SND1: variants seen among roughly 807,000 people sequenced by gnomAD.
SND1 encodes the protein staphylococcal nuclease domain-containing protein 1.
In SND1, 38 loss-of-function variants were observed where a neutral mutation model predicts 121.7. That is an observed-to-expected ratio of 0.31 (90% confidence interval 0.24 to 0.41). The LOEUF (loss-of-function observed/expected upper bound fraction) is 0.41. SND1 is among the 10% of genes least tolerant of loss of function. The pLI is 1.00. For synonymous variants in SND1, 401 were observed against 447.4 expected (o/e 0.90, Z 1.31); for missense variants, 868 against 1,184.6 (o/e 0.73, Z 3.92).
At position 127,686,852 on chromosome 7, in the gene SND1, C is replaced by T. The variant is rs1795822875; in HGVS notation, c.228+90C>T. The T allele has an allele frequency of 5.7e-6, 8 of 1,402,122 alleles. 1 individual carries two copies. The South Asian group carries it at 9.3e-5, about 16-fold the overall frequency. The allele number at this position is 1,402,122 out of a possible 1,614,324, so 86.9% of individuals were successfully genotyped here. The stretch of plus-strand genomic sequence containing the variant: ...CTGATGCCATTTTGATGTACTCTTT[C>T]TTTGTATTTTGAGTATTTTTATATC... On this transcript the variant is annotated intron_variant, in intron 2 of 23. Transcript: ENST00000354725.
At chr7:127,781,455 G>A (rs1274058177) in intron 10 of SND1, among the ~76,000 whole-genome samples, 1 of 151,640 alleles carries the variant, frequency 6.6e-6, no homozygotes, top group Admixed American at 6.6e-5. Flanking sequence ...TGATTTTATT[G>A]CCTTGTGATA....
intron 14 of SND1, among the ~76,000 whole-genome samples, chr7:127,925,463 G>A (rs1027068177): frequency 2.0e-5 from 3 of 152,146 alleles, no homozygotes; most frequent in African/African-American, 7.2e-5. Context: ...AAAACTGAGA[G>A]TGAAAGCCTT....
At chr7:128,066,072 C>A (rs965205565) in intron 16 of SND1, among the ~76,000 whole-genome samples, 1 of 152,194 alleles carries the variant, frequency 6.6e-6, no homozygotes, top group Non-Finnish European at 1.5e-5. Context: ...TGTTAGCGCT[C>A]GCAAAGGCCT....
chr7:127,807,608 G>C (rs1402653661), intron 11 of SND1, 35 bp downstream of exon 11: 2 of 1,548,286 alleles, frequency 1.3e-6, no homozygotes, highest in Non-Finnish European at 8.9e-7. Flanking sequence ...ATTTGCAAGT[G>C]GTTGGGCTTA....
intron 16 of SND1, among the ~76,000 whole-genome samples, chr7:128,021,256 G>T (rs561555444): frequency 7.2e-5 from 11 of 152,332 alleles, no homozygotes; most frequent in Non-Finnish European, 1.2e-4. Flanking sequence ...TAACCACTGT[G>T]GCTGGCAGGC....
chr7:127,775,328 C>T (rs1387675239), intron 10 of SND1, among the ~76,000 whole-genome samples: 2 of 151,692 alleles, frequency 1.3e-5, no homozygotes, highest in African/African-American at 2.4e-5. Flanking sequence ...ATTCCCCCAC[C>T]CCCACCTTTT....
intron 1 of SND1, among the ~76,000 whole-genome samples, chr7:127,669,234 G>T (rs574728514): frequency 6.6e-6 from 1 of 152,084 alleles, no homozygotes; most frequent in African/African-American, 2.4e-5. Context: ...CAGGTGATCC[G>T]TCCACCTTGG....
intron 3 of SND1, among the ~76,000 whole-genome samples, chr7:127,697,333 G>A (rs952839276): frequency 9.9e-5 from 15 of 152,250 alleles, no homozygotes; most frequent in African/African-American, 3.6e-4. Context: ...TCTCCTTTTT[G>A]CAGGCGCATT....
chr7:127,904,837 A>G lies in SND1; in HGVS notation c.1527+18A>G. The G allele has an allele frequency of 1.3e-6, 2 of 1,536,400 alleles. No homozygotes were observed. Among genetic ancestry groups the G allele is most frequent in the Non-Finnish European group, 1.8e-6 (2 of 1,109,264 alleles). ...TATCTGGGGTGAGTCGAGTCCCTGA[A>G]TCAAGCTGTGTGGCTCAGAGGCTCA... On this transcript the variant is annotated intron_variant, in intron 14 of 23. Transcript: ENST00000354725.
chr7:127,889,903 C>G (rs1799979000), intron 13 of SND1, among the ~76,000 whole-genome samples: 1 of 152,060 alleles, frequency 6.6e-6, no homozygotes, highest in Non-Finnish European at 1.5e-5. Flanking sequence ...ATAAGTACCA[C>G]AGTTTCTTTA....
chr7:128,084,935 G>A, intron 19 of SND1, 88 bp downstream of exon 19: 3 of 1,377,236 alleles, frequency 2.2e-6, no homozygotes, highest in Non-Finnish European at 2.9e-6. Context: ...TTAGCAGTCT[G>A]GTTTCCCCAG....
chr7:128,036,161 A>G (rs545155395), intron 16 of SND1, among the ~76,000 whole-genome samples: 16 of 152,254 alleles, frequency 1.1e-4, no homozygotes, highest in South Asian at 6.2e-4. Context: ...AATGGTCTAC[A>G]TGGAAATAGT....
At chr7:127,918,229 T>G (rs1358373628) in intron 14 of SND1, among the ~76,000 whole-genome samples, 1 of 151,730 alleles carries the variant, frequency 6.6e-6, no homozygotes, top group Non-Finnish European at 1.5e-5. Context: ...CGGCTAATTT[T>G]TGTATTTTTT....
intron 16 of SND1, among the ~76,000 whole-genome samples, chr7:128,069,275 A>G (rs1360138176): frequency 6.6e-6 from 1 of 152,210 alleles, no homozygotes; most frequent in Non-Finnish European, 1.5e-5. Flanking sequence ...CATCAGAGGT[A>G]TACAGCTCAG....
intron 13 of SND1, among the ~76,000 whole-genome samples, chr7:127,903,928 C>T (rs1260717851): frequency 1.3e-5 from 2 of 152,216 alleles, no homozygotes; most frequent in Non-Finnish European, 1.5e-5. Flanking sequence ...TATCTCTAAG[C>T]TCAGAACTCT....
intron 12 of SND1, among the ~76,000 whole-genome samples, chr7:127,882,436 GA>G (rs1235508301): frequency 6.1e-5 from 8 of 131,128 alleles, no homozygotes; most frequent in Non-Finnish European, 1.3e-4. Context: ...GAGGGGAGGG[GA>G]GGGGAGGGGA....
chr7:127,691,578 A>C (rs577165653), intron 2 of SND1, among the ~76,000 whole-genome samples: 20 of 151,970 alleles, frequency 1.3e-4, no homozygotes, highest in Non-Finnish European at 2.2e-4. Context: ...ACAAACTAAA[A>C]GAAGGTAAAA....
chr7:127,945,949 A>G (rs1029521045), intron 15 of SND1, among the ~76,000 whole-genome samples: 14 of 152,234 alleles, frequency 9.2e-5, no homozygotes, highest in Non-Finnish European at 1.3e-4. Flanking sequence ...TTAGAACGCA[A>G]TGCCCTAATT....
chr7:128,077,001 C>G (rs1793516979), intron 17 of SND1, among the ~76,000 whole-genome samples: 1 of 152,292 alleles, frequency 6.6e-6, no homozygotes, highest in Middle Eastern at 3.4e-3. Context: ...CCTGGGCAGA[C>G]CTGAGGACCA....
Sources: allele counts gnomAD v4.1 joint callset (sites outside exome capture counted in the v4.1 genomes callset), GRCh38; gene constraint gnomAD v4.1.1; transcripts MANE v1.5; gene names NCBI Gene and HGNC (gene_info 2026-07-23, HGNC 2026-07-21).